The following IFT56 variants were observed in gnomAD, a reference collection of about 807,000 sequenced individuals.
The protein encoded by IFT56 is intraflagellar transport 56.
At chr7:139,183,213 A>G in the IFT56 span, among the ~76,000 whole-genome samples, 1 of 150,904 alleles carries the variant, frequency 6.6e-6, no homozygotes, top group Non-Finnish European at 1.5e-5. Flanking sequence ...TTAACATCAA[A>G]GGAAGATAAC....
chr7:139,189,762 G>T, the IFT56 span: 1 of 164,752 alleles, frequency 6.1e-6, no homozygotes. Flanking sequence ...TTATGGCATT[G>T]TCTCCTGGCT....
At chr7:139,145,316 A>G in the IFT56 span, among the ~76,000 whole-genome samples, 1 of 152,040 alleles carries the variant, frequency 6.6e-6, no homozygotes, top group African/African-American at 2.4e-5. Context: ...AGAGAAAAAA[A>G]TGGTACTAAA....
At chr7:139,144,565 A>G in the IFT56 span, among the ~76,000 whole-genome samples, 1 of 151,878 alleles carries the variant, frequency 6.6e-6, no homozygotes, top group African/African-American at 2.4e-5. Context: ...CTTCTGCTCT[A>G]TACTCTCTTC....
At chr7:139,148,245 C>T in the IFT56 span, 5 of 1,613,520 alleles carry the variant, frequency 3.1e-6, no homozygotes, top group Admixed American at 6.7e-5. Context: ...CCCTCTGCTA[C>T]TACAAGTTGG....
chr7:139,146,956 A>G, the IFT56 span: 23 of 1,508,226 alleles, frequency 1.5e-5, no homozygotes, highest in Middle Eastern at 1.7e-4. Context: ...CTATGCCTCC[A>G]GAGGCTATTT....
chr7:139,140,089 C>A, the IFT56 span: 3 of 874,640 alleles, frequency 3.4e-6, no homozygotes, highest in Non-Finnish European at 3.3e-6. Flanking sequence ...ATTCCTTTTT[C>A]TCTTGAGAAA....
At chr7:139,136,829 T>G in the IFT56 span, among the ~76,000 whole-genome samples, 2 of 152,198 alleles carry the variant, frequency 1.3e-5, no homozygotes, top group African/African-American at 4.8e-5. Context: ...CCCTGCTGCA[T>G]GGGAATGGAA....
At chr7:139,149,503 G>C in the IFT56 span, among the ~76,000 whole-genome samples, 1 of 151,626 alleles carries the variant, frequency 6.6e-6, no homozygotes, top group Non-Finnish European at 1.5e-5. Context: ...AGTCAGTCTT[G>C]TTATCTTCAG....
chr7:139,137,057 C>T, the IFT56 span, among the ~76,000 whole-genome samples: 8 of 152,098 alleles, frequency 5.3e-5, no homozygotes, highest in African/African-American at 1.9e-4. Context: ...CTTGTAATGA[C>T]TGAGGCACCT....
the IFT56 span, chr7:139,172,512 T>G: frequency 2.2e-6 from 1 of 462,868 alleles, no homozygotes; most frequent in East Asian, 5.1e-5. Flanking sequence ...CCATCAACAC[T>G]GTAATAAATT....
chr7:139,168,381 G>A, the IFT56 span: 3 of 1,611,498 alleles, frequency 1.9e-6, no homozygotes, highest in Non-Finnish European at 2.5e-6. Context: ...GCAGCCCTTG[G>A]CCAGGAAATG....
At chr7:139,180,166 T>A in the IFT56 span, among the ~76,000 whole-genome samples, 2 of 151,338 alleles carry the variant, frequency 1.3e-5, no homozygotes, top group Non-Finnish European at 2.9e-5. Context: ...TGAAACCCCA[T>A]CTCTACTAAA....
chr7:139,142,663 C>T, the IFT56 span, among the ~76,000 whole-genome samples: 2 of 152,128 alleles, frequency 1.3e-5, no homozygotes, highest in Non-Finnish European at 2.9e-5. Context: ...AACCATGTGT[C>T]TACTAAAATA....
chr7:139,187,617 A>G, the IFT56 span: 4 of 1,529,652 alleles, frequency 2.6e-6, no homozygotes, highest in South Asian at 4.8e-5. Context: ...CTTGGATGAT[A>G]TCTTCTGAAA....
the IFT56 span, among the ~76,000 whole-genome samples, chr7:139,142,860 C>T: frequency 1.3e-5 from 2 of 152,112 alleles, no homozygotes; most frequent in Non-Finnish European, 2.9e-5. Context: ...TTTGTGTCAA[C>T]TATACTATTA....
the IFT56 span, among the ~76,000 whole-genome samples, chr7:139,181,504 T>C: frequency 6.6e-6 from 1 of 152,208 alleles, no homozygotes; most frequent in Non-Finnish European, 1.5e-5. Context: ...GTTCTGAAGC[T>C]CAAGAAAAAT....
chr7:139,176,433 C>A, the IFT56 span, among the ~76,000 whole-genome samples: 1 of 152,048 alleles, frequency 6.6e-6, no homozygotes, highest in Non-Finnish European at 1.5e-5. Context: ...ATAATGATTT[C>A]TTGCATGGAT....
chr7:139,189,364 A>C, the IFT56 span: 3 of 1,613,390 alleles, frequency 1.9e-6, no homozygotes, highest in South Asian at 2.2e-5. Flanking sequence ...AAGCACAGGT[A>C]ACACCCAAGT....
chr7:139,187,680 T>G, the IFT56 span: 1 of 1,092,388 alleles, frequency 9.2e-7, no homozygotes, highest in East Asian at 2.5e-5. Context: ...TGATATTAAA[T>G]ATTTCTGTCT....
Sources: gnomAD v4.1 joint callset for allele counts (sites outside exome capture counted in the v4.1 genomes callset) on GRCh38, gnomAD v4.1.1 for gene constraint, MANE v1.5 for transcripts, NCBI Gene and HGNC (gene_info 2026-07-23, HGNC 2026-07-21) for gene names.